Variants in TTC28 observed in about 807,000 individuals in gnomAD.
TTC28 encodes the protein tetratricopeptide repeat domain 28.
Under a neutral mutation model 198.0 loss-of-function variants are expected in TTC28, and 61 were observed. The ratio of observed to expected loss-of-function variants is 0.31; its 90% CI spans 0.25 to 0.38. TTC28 has a LOEUF of 0.38. Among genes scored for constraint, TTC28 ranks in the 10% least tolerant of loss-of-function variants. The probability of loss-of-function intolerance (pLI) is 1.00; values close to 1 mark genes in which losing one functional copy is unlikely to be tolerated. For synonymous variants in TTC28, 1,171 were observed against 1,297.8 expected (o/e 0.90, Z 2.10); for missense variants, 2,678 against 3,164.0 (o/e 0.85, Z 3.69).
chr22:28,322,732 A>G (rs2045467789), intron 2 of TTC28, among the ~76,000 whole-genome samples: 1 of 152,238 alleles, frequency 6.6e-6, no homozygotes, highest in South Asian at 2.1e-4. Flanking sequence ...TTAGTAGCTT[A>G]AAACAACACA....
At chr22:28,013,687 C>T (rs1334571368) in intron 14 of TTC28, among the ~76,000 whole-genome samples, 1 of 152,132 alleles carries the variant, frequency 6.6e-6, no homozygotes. Context: ...AGCATTCATT[C>T]CCAGTAGGGT....
Position 28,027,614 on chromosome 22 carries a change from C to T in TTC28, c.4073+2612G>A, listed in dbSNP as rs114662502. 3.7e-3 allele frequency among the ~76,000 whole-genome samples: 566 copies of T among 152,370 alleles called. 3 individuals are homozygous for T. Among genetic ancestry groups the T allele is most frequent in the African/African-American group, 0.013 (526 of 41,592 alleles). ...TACTGCTCCAGTACACAAGGCCCTA[C>T]ACACATGGTTGCTTCCATATCACCT... On this transcript the variant is annotated intron_variant, in intron 13 of 22. Coordinates refer to ENST00000397906, the MANE Select transcript of TTC28 (RefSeq NM_001145418.2).
chr22:28,258,428 C>T (rs949763388), intron 5 of TTC28, among the ~76,000 whole-genome samples: 3 of 151,960 alleles, frequency 2.0e-5, no homozygotes, highest in Non-Finnish European at 2.9e-5. Flanking sequence ...ATTATTAGAC[C>T]TACATATATT....
chr22:28,545,254 C>T (rs574926449), intron 2 of TTC28, among the ~76,000 whole-genome samples: 1 of 152,236 alleles, frequency 6.6e-6, no homozygotes, highest in South Asian at 2.1e-4. Context: ...AATCCCAAGA[C>T]ATCTACAAAC....
At chr22:28,623,345 T>C (rs534970296) in intron 2 of TTC28, among the ~76,000 whole-genome samples, 1 of 152,284 alleles carries the variant, frequency 6.6e-6, no homozygotes, top group East Asian at 1.9e-4. Context: ...GAAGATATAA[T>C]AATGTTATGT....
chr22:28,183,646 T>C (rs1361990325), intron 5 of TTC28, among the ~76,000 whole-genome samples: 1 of 152,186 alleles, frequency 6.6e-6, no homozygotes, highest in Non-Finnish European at 1.5e-5. Flanking sequence ...AGCATTATCA[T>C]TGCCTTTTTC....
chr22:28,224,418 G>A (rs1928129801), intron 5 of TTC28, among the ~76,000 whole-genome samples: 1 of 152,072 alleles, frequency 6.6e-6, no homozygotes, highest in Admixed American at 6.5e-5. Context: ...CAAACCCCTA[G>A]TGAGTAGGTT....
chr22:28,356,857 A>C (rs1194224490), intron 2 of TTC28, among the ~76,000 whole-genome samples: 4 of 152,176 alleles, frequency 2.6e-5, no homozygotes, highest in African/African-American at 9.7e-5. Flanking sequence ...TAAATTCAAA[A>C]AAATTATCAT....
intron 6 of TTC28, among the ~76,000 whole-genome samples, chr22:28,128,119 C>T (rs979610883): frequency 6.6e-6 from 1 of 152,138 alleles, no homozygotes; most frequent in East Asian, 1.9e-4. Flanking sequence ...ACTTAAATTT[C>T]AAGCGTTGGC....
chr22:28,349,950 G>A (rs9620782), intron 2 of TTC28, among the ~76,000 whole-genome samples: 1 of 152,182 alleles, frequency 6.6e-6, no homozygotes, highest in South Asian at 2.1e-4. Context: ...TTACACTACA[G>A]TGAAGATGAG....
chr22:28,111,905 G>A (rs900617704), intron 6 of TTC28, among the ~76,000 whole-genome samples: 2 of 152,038 alleles, frequency 1.3e-5, no homozygotes, highest in African/African-American at 2.4e-5. Flanking sequence ...CTCCTTGGAC[G>A]CTCCCCACTT....
intron 19 of TTC28, 105 bp from the exon 20 acceptor site, chr22:27,990,917 C>T (rs1009215657): frequency 3.2e-5 from 38 of 1,195,930 alleles, no homozygotes; most frequent in Admixed American, 1.8e-4. Context: ...GTTTAGGAAG[C>T]GCCACACCAG....
intron 12 of TTC28, among the ~76,000 whole-genome samples, chr22:28,087,598 G>C (rs1941655239): frequency 6.6e-6 from 1 of 152,078 alleles, no homozygotes; most frequent in Non-Finnish European, 1.5e-5. Context: ...TTGAAAACTG[G>C]CACAAGACAG....
At chr22:28,593,402 T>C (rs2050470749) in intron 2 of TTC28, among the ~76,000 whole-genome samples, 1 of 152,218 alleles carries the variant, frequency 6.6e-6, no homozygotes, top group Non-Finnish European at 1.5e-5. Context: ...CTCTTTTTGC[T>C]GTCAGTTGCA....
intron 2 of TTC28, among the ~76,000 whole-genome samples, chr22:28,574,265 G>T (rs1690838865): frequency 6.6e-6 from 1 of 152,124 alleles, no homozygotes; most frequent in Non-Finnish European, 1.5e-5. Context: ...ACCTGCTTCA[G>T]CCTCCCAGGG....
chr22:28,395,109 T>C (rs2046793710), intron 2 of TTC28, among the ~76,000 whole-genome samples: 1 of 152,200 alleles, frequency 6.6e-6, no homozygotes, highest in Non-Finnish European at 1.5e-5. Flanking sequence ...CAAAAGTACA[T>C]TGTACTGTAT....
At chr22:28,567,479 C>CATATATATATATATATATAT (rs398040471) in intron 2 of TTC28, among the ~76,000 whole-genome samples, 873 of 51,032 alleles carry the variant, frequency 0.017, 83 homozygotes, top group East Asian at 0.029. Context: ...TACATACATA[C>CATATATATATATATATATAT]ATATATATAT....
At chr22:28,616,171 C>T (rs546454203) in intron 2 of TTC28, among the ~76,000 whole-genome samples, 11 of 152,250 alleles carry the variant, frequency 7.2e-5, no homozygotes, top group Admixed American at 3.3e-4. Flanking sequence ...TAGTAATTAA[C>T]GACAAAGTCT....
At chr22:28,125,830 A>C (rs982107122) in intron 6 of TTC28, among the ~76,000 whole-genome samples, 5 of 152,254 alleles carry the variant, frequency 3.3e-5, no homozygotes, top group Admixed American at 3.3e-4. Context: ...AAATAAAAAA[A>C]ATGTTGCATA....
Sources: allele counts gnomAD v4.1 joint callset (sites outside exome capture counted in the v4.1 genomes callset), GRCh38; gene constraint gnomAD v4.1.1; transcripts MANE v1.5; gene names NCBI Gene and HGNC (gene_info 2026-07-23, HGNC 2026-07-21).